The following USP28 variants were observed in gnomAD, a reference collection of about 807,000 sequenced individuals.
USP28 encodes the protein ubiquitin carboxyl-terminal hydrolase 28.
A neutral mutation model predicts 145.0 loss-of-function variants in USP28; 113 were observed. That is an observed-to-expected ratio of 0.78 (90% confidence interval 0.67 to 0.91). The LOEUF is 0.91. Among genes scored for constraint, USP28 ranks in the 40% least tolerant of loss-of-function variants. The pLI is 0.00. For synonymous variants in USP28, 447 were observed against 450.9 expected, an observed-to-expected ratio of 0.99 and a Z score of 0.11; for missense variants, 1,201 against 1,289.6, an observed-to-expected ratio of 0.93 and a Z score of 1.05.
chr11:113,817,609 TATACCAGAAAA>T (rs770500465), intron 13 of USP28, 38 bp downstream of exon 13: 5 of 1,587,276 alleles, frequency 3.2e-6, no homozygotes, highest in Non-Finnish European at 4.3e-6. Context: ...TAGTTTAAAT[TATACCAGAAAA>T]ACAATACATA....
chr11:113,845,453 A>C (rs1387102307), intron 3 of USP28, among the ~76,000 whole-genome samples: 2 of 150,356 alleles, frequency 1.3e-5, no homozygotes, highest in Admixed American at 1.4e-4. Context: ...AAAATTAATA[A>C]ATAAATAAAA....
At chr11:113,827,298 C>T in exon 11 of USP28, 1 of 1,613,000 alleles carries the variant, frequency 6.2e-7, no homozygotes, top group South Asian at 1.1e-5. Context: ...GCCCAAGGGA[C>T]TGATTAAACT....
At chr11:113,859,286 G>A (rs971724977) in intron 1 of USP28, 1 of 152,122 alleles carries the variant, frequency 6.6e-6, no homozygotes, top group Non-Finnish European at 1.5e-5. Context: ...ATCATCAAAT[G>A]ACTTGAATTA....
chr11:113,871,661 C>A (rs1159328327), intron 1 of USP28, among the ~76,000 whole-genome samples: 11 of 151,994 alleles, frequency 7.2e-5, no homozygotes, highest in Non-Finnish European at 1.6e-4. Context: ...ACCTTTTCCA[C>A]TGAAATAAGA....
At chr11:113,832,046 T>C in intron 7 of USP28, 53 bp from the exon 8 acceptor site, 1 of 1,438,952 alleles carries the variant, frequency 6.9e-7, no homozygotes, top group Non-Finnish European at 9.7e-7. Context: ...TAAGAGAAAT[T>C]AAAATTTATC....
chr11:113,858,032 G>C (rs116711768), intron 1 of USP28, among the ~76,000 whole-genome samples: 18,112 of 151,838 alleles, frequency 0.12, 1,082 homozygotes, highest in Middle Eastern at 0.17. Flanking sequence ...CGCCCAGCTA[G>C]TTTTCCTATT....
intron 12 of USP28, chr11:113,821,740 TA>T: frequency 5.0e-6 from 1 of 198,128 alleles, no homozygotes; most frequent in South Asian, 9.7e-5. Flanking sequence ...GGTGTCTTGC[TA>T]GGGGGCTGGT....
chr11:113,874,630 G>C (rs1949189071), intron 1 of USP28: 2 of 1,285,388 alleles, frequency 1.6e-6, no homozygotes, highest in Non-Finnish European at 2.0e-6. Context: ...TGCAGTACTT[G>C]AGGGGTGAGG....
exon 25 of USP28, chr11:113,798,786 T>G: frequency 6.5e-6 from 1 of 152,700 alleles, no homozygotes; most frequent in Non-Finnish European, 1.5e-5. Context: ...CAGGCAAGGT[T>G]TATATTTCTA....
At chr11:113,843,690 A>C (rs1253328370) in intron 3 of USP28, among the ~76,000 whole-genome samples, 2 of 150,568 alleles carry the variant, frequency 1.3e-5, no homozygotes, top group Admixed American at 1.3e-4. Context: ...AAAAAAAAAA[A>C]CTAAAAAAAA....
intron 10 of USP28, 37 bp from the exon 11 acceptor site, chr11:113,827,397 T>A: frequency 6.5e-7 from 1 of 1,543,324 alleles, no homozygotes. Context: ...GAAAGAAAAA[T>A]TAATTTTAGG....
intron 1 of USP28, among the ~76,000 whole-genome samples, chr11:113,873,130 A>G (rs1949001503): frequency 6.6e-6 from 1 of 152,230 alleles, no homozygotes; most frequent in Non-Finnish European, 1.5e-5. Context: ...AATGCCTCAG[A>G]GAGTTCAAAA....
At chr11:113,857,049 G>A (rs747224887) in intron 1 of USP28, among the ~76,000 whole-genome samples, 20 of 152,224 alleles carry the variant, frequency 1.3e-4, no homozygotes, top group Admixed American at 2.6e-4. Flanking sequence ...AGGTGCCATC[G>A]GTTGAAAACA....
chr11:113,829,469 T>TA, intron 9 of USP28, 124 bp from the exon 10 acceptor site: 1 of 1,168,150 alleles, frequency 8.6e-7, no homozygotes, highest in Non-Finnish European at 1.2e-6. Flanking sequence ...GAAATGCACT[T>TA]ACGCCTTTAT....
intron 23 of USP28, among the ~76,000 whole-genome samples, chr11:113,802,171 C>T (rs1939155030): frequency 6.6e-6 from 1 of 152,052 alleles, no homozygotes; most frequent in African/African-American, 2.4e-5. Context: ...AGTCTAAATC[C>T]CTATAATTGC....
At chr11:113,837,629 C>T (rs764341753) in intron 5 of USP28, among the ~76,000 whole-genome samples, 6 of 152,134 alleles carry the variant, frequency 3.9e-5, no homozygotes, top group Non-Finnish European at 8.8e-5. Flanking sequence ...ATCTTCATTT[C>T]TTTCTCCATC....
intron 14 of USP28, 66 bp from the exon 15 acceptor site, chr11:113,814,021 TTAAC>T: frequency 1.6e-6 from 2 of 1,212,178 alleles, no homozygotes; most frequent in South Asian, 1.3e-5. Flanking sequence ...ACAGGCTACT[TTAAC>T]TAAGCAAAGA....
rs768584353 is a variant in USP28, at chr11:113,809,058, G to T, written c.2164+5C>A. On this transcript the variant is annotated splice_donor_5th_base_variant and intron_variant, in intron 17 of 24. Coordinates refer to ENST00000003302, the Ensembl canonical transcript of USP28. ...GATCACTGGCATAAATGCCTTCTCA[G>T]ATACCTTGTGATGTAGAGTAGTCCT... 5.6e-6 allele frequency: 9 copies of T among 1,610,680 alleles called. No individual in the cohort carries two copies. In the Admixed American group the frequency reaches 1.0e-4, roughly 18 times the overall value.
At chr11:113,815,463 T>C in intron 13 of USP28, 81 bp from the exon 14 acceptor site, 4 of 1,329,596 alleles carry the variant, frequency 3.0e-6, no homozygotes, top group Non-Finnish European at 4.2e-6. Flanking sequence ...GAAAGCAAGA[T>C]GCTATATGAA....
Sources: gnomAD v4.1 joint callset for allele counts (sites outside exome capture counted in the v4.1 genomes callset) on GRCh38, gnomAD v4.1.1 for gene constraint, MANE v1.5 for transcripts, NCBI Gene and HGNC (gene_info 2026-07-23, HGNC 2026-07-21) for gene names.